CMSS1: variants seen among roughly 807,000 people sequenced by gnomAD.
CMSS1 encodes the protein cms1 ribosomal small subunit homolog.
Under a neutral mutation model 43.5 loss-of-function variants are expected in CMSS1, and 33 were observed. The ratio of observed to expected loss-of-function variants is 0.76; its 90% confidence interval spans 0.57 to 1.01. The LOEUF is 1.01. Among genes scored for constraint, CMSS1 ranks in the 50% least tolerant of loss-of-function variants. CMSS1 has a pLI of 0.00. For missense variants in CMSS1, 313 were observed against 326.4 expected, an observed-to-expected ratio of 0.96 and a Z score of 0.32; for synonymous variants, 115 against 117.2, an observed-to-expected ratio of 0.98 and a Z score of 0.12.
chr3:100,078,580 G>C (rs1270775567), intron 1 of CMSS1, among the ~76,000 whole-genome samples: 1 of 151,820 alleles, frequency 6.6e-6, no homozygotes, highest in Non-Finnish European at 1.5e-5. Flanking sequence ...ACTAGCGATA[G>C]CTGATGAGGT....
intron 1 of CMSS1, among the ~76,000 whole-genome samples, chr3:99,855,300 G>A (rs972728970): frequency 3.8e-4 from 58 of 152,148 alleles, no homozygotes; most frequent in African/African-American, 1.2e-3. Flanking sequence ...TGGTGGGTCA[G>A]TAGCTACATT....
At chr3:100,141,465 C>T (rs930341163) in intron 1 of CMSS1, 18 of 436,898 alleles carry the variant, frequency 4.1e-5, no homozygotes, top group South Asian at 2.3e-4. Context: ...GTGGTGAAGA[C>T]GGCGGTCTTA....
chr3:99,973,745 C>G lies in CMSS1; in HGVS notation c.64+155702C>G, dbSNP rs565115464. 3.3e-5 allele frequency among the ~76,000 whole-genome samples: 5 copies of G among 152,144 alleles called. No homozygotes were observed. In the East Asian group the frequency reaches 9.7e-4, roughly 29 times the overall value. On this transcript the variant is annotated intron_variant, in intron 1 of 9. Coordinates refer to ENST00000421999, the MANE Select transcript of CMSS1 (RefSeq NM_032359.4). ...ACCTATTTAAGCTCACTTTTTTCCC[C>G]CAGTTTGGGTAGCTTTATAATGAAG... is the stretch of plus-strand genomic sequence containing the variant.
chr3:99,973,184 A>G (rs1373811367), intron 1 of CMSS1, among the ~76,000 whole-genome samples: 3 of 152,250 alleles, frequency 2.0e-5, no homozygotes, highest in Non-Finnish European at 4.4e-5. Flanking sequence ...GAATTCTCTG[A>G]AAAACTAGGA....
chr3:100,127,919 G>T (rs1036377391), intron 1 of CMSS1, among the ~76,000 whole-genome samples: 10 of 152,116 alleles, frequency 6.6e-5, no homozygotes, highest in African/African-American at 2.4e-4. Flanking sequence ...CCTCTCTTAG[G>T]TCCCATCAGT....
At chr3:99,846,893 A>C (rs1476027546) in intron 1 of CMSS1, among the ~76,000 whole-genome samples, 1 of 152,244 alleles carries the variant, frequency 6.6e-6, no homozygotes, top group African/African-American at 2.4e-5. Flanking sequence ...AATGGCAATA[A>C]GCTACTTTGT....
At chr3:99,849,607 G>A in intron 1 of CMSS1, 1 of 1,613,190 alleles carries the variant, frequency 6.2e-7, no homozygotes, top group South Asian at 1.1e-5. Context: ...TGTCTTTTCT[G>A]CTAACTTGTA....
At chr3:99,906,819 A>C (rs2107634076) in intron 1 of CMSS1, among the ~76,000 whole-genome samples, 1 of 152,250 alleles carries the variant, frequency 6.6e-6, no homozygotes, top group African/African-American at 2.4e-5. Context: ...CCTAACTTGA[A>C]AGCAAGACAC....
intron 1 of CMSS1, among the ~76,000 whole-genome samples, chr3:100,130,211 C>G (rs2066695167): frequency 6.6e-6 from 1 of 152,170 alleles, no homozygotes; most frequent in South Asian, 2.1e-4. Flanking sequence ...CTGAACAGCT[C>G]TATTTTGATG....
At chr3:100,078,182 G>A (rs1369707401) in intron 1 of CMSS1, among the ~76,000 whole-genome samples, 2 of 152,018 alleles carry the variant, frequency 1.3e-5, no homozygotes, top group African/African-American at 4.8e-5. Context: ...CCATTCCTCA[G>A]AACAACTAAA....
chr3:100,020,384 C>G (rs1050120724), intron 1 of CMSS1, among the ~76,000 whole-genome samples: 15 of 152,302 alleles, frequency 9.8e-5, no homozygotes, highest in African/African-American at 3.6e-4. Context: ...AAAATCTGTA[C>G]ATGTTTGCAC....
chr3:99,907,233 A>G (rs1299691161), intron 1 of CMSS1, among the ~76,000 whole-genome samples: 1 of 151,702 alleles, frequency 6.6e-6, no homozygotes, highest in Non-Finnish European at 1.5e-5. Context: ...TTAACTACCT[A>G]TTACCCTTTT....
chr3:99,911,963 T>A (rs1477130842), intron 1 of CMSS1, among the ~76,000 whole-genome samples: 2 of 152,184 alleles, frequency 1.3e-5, no homozygotes, highest in Non-Finnish European at 2.9e-5. Flanking sequence ...CAAATAATCA[T>A]TTGCTTTCAG....
At chr3:99,894,341 G>A (rs1475317647) in intron 1 of CMSS1, among the ~76,000 whole-genome samples, 1 of 152,132 alleles carries the variant, frequency 6.6e-6, no homozygotes, top group Non-Finnish European at 1.5e-5. Flanking sequence ...ATCTGTTGTG[G>A]GTGCCTAACA....
intron 1 of CMSS1, among the ~76,000 whole-genome samples, chr3:100,133,461 G>GTT (rs148521170): frequency 7.3e-5 from 11 of 150,690 alleles, no homozygotes; most frequent in African/African-American, 2.4e-4. Context: ...AATTTTTTTG[G>GTT]TTTTTTTTTA....
At chr3:99,970,546 C>G (rs940214581) in intron 1 of CMSS1, among the ~76,000 whole-genome samples, 10 of 152,236 alleles carry the variant, frequency 6.6e-5, no homozygotes, top group African/African-American at 2.2e-4. Context: ...TACATTTTGC[C>G]TAACTGAAAC....
Position 100,115,575 on chromosome 3 carries a change from G to GTCTCTC in CMSS1, c.65-31350_65-31345dup, listed in dbSNP as rs66793218. ...TTTCTCTTTCTCTCTCTCTCTCTCT[G>GTCTCTC]TCTCTCTCTCTCTCTCTCTCTCTCT... On this transcript the variant is annotated intron_variant, in intron 1 of 9. Coordinates refer to ENST00000421999, the MANE Select transcript of CMSS1 (RefSeq NM_032359.4). Among the ~76,000 whole-genome samples, 167 of 97,976 alleles carry GTCTCTC rather than the reference G, an allele frequency of 1.7e-3. 3 individuals carry two copies. The highest frequency in any genetic ancestry group is 3.5e-3 in the East Asian group (9 of 2,560). 64.3% of individuals were successfully genotyped at this position (97,976 alleles called of 152,430 possible). A position where few individuals can be genotyped will look rare whatever the true frequency, so the allele number is the denominator to read the frequency against.
Position 100,049,939 on chromosome 3 carries a change from C to G in CMSS1, c.65-97034C>G, listed in dbSNP as rs117321133. Among the ~76,000 whole-genome samples, 130 of 152,258 alleles carry G rather than the reference C, an allele frequency of 8.5e-4. 2 individuals carry two copies. In the East Asian group the frequency reaches 0.022, roughly 26 times the overall value. On this transcript the variant is annotated intron_variant, in intron 1 of 9. Coordinates refer to ENST00000421999, the MANE Select transcript of CMSS1 (RefSeq NM_032359.4). ...GTCAAAAGTTATATGCGATTTTCAA[C>G]TGCACAGAGGGTCAGTGACCCTAAC...
intron 1 of CMSS1, among the ~76,000 whole-genome samples, chr3:100,071,272 C>G (rs1236972616): frequency 6.6e-6 from 1 of 152,074 alleles, no homozygotes; most frequent in Non-Finnish European, 1.5e-5. Context: ...GAATTTGCTA[C>G]ATAACTAGCT....
Sources: allele counts gnomAD v4.1 joint callset (sites outside exome capture counted in the v4.1 genomes callset), GRCh38; gene constraint gnomAD v4.1.1; transcripts MANE v1.5; gene names NCBI Gene and HGNC (gene_info 2026-07-23, HGNC 2026-07-21).